Variants in NTF3 observed in about 807,000 individuals in gnomAD.
NTF3 encodes neurotrophin 3.
A neutral mutation model predicts 26.3 loss-of-function variants in NTF3; 8 were observed. The observed-to-expected ratio is 0.30, with a 90% CI of 0.18 to 0.55. NTF3 has a LOEUF of 0.55. Ranked by LOEUF, NTF3 falls within the 20% of genes least tolerant of loss-of-function variation. NTF3 has a pLI of 0.93. For synonymous variants in NTF3, 154 were observed against 145.5 expected (o/e 1.06, Z -0.42); for missense variants, 276 against 352.9 (o/e 0.78, Z 1.75).
chr12:5,430,452 C>T (rs1441080036), upstream of NTF3, among the ~76,000 whole-genome samples: 2 of 151,526 alleles, frequency 1.3e-5, no homozygotes, highest in Non-Finnish European at 2.9e-5. Flanking sequence ...CTACCCTACC[C>T]TTGCGAGGGA....
chr12:5,437,693 G>A (rs568625343), intron 1 of NTF3, among the ~76,000 whole-genome samples: 1 of 152,192 alleles, frequency 6.6e-6, no homozygotes, highest in Admixed American at 6.5e-5. Flanking sequence ...TGGCGTTGGG[G>A]ATGTTGAACT....
chr12:5,473,687 C>T (rs1940692024), intron 1 of NTF3, among the ~76,000 whole-genome samples: 3 of 152,190 alleles, frequency 2.0e-5, no homozygotes, highest in Admixed American at 6.5e-5. Flanking sequence ...AGTCCCTTAC[C>T]ATCCTAGTGC....
At chr12:5,432,400 G>T (rs1252723234) in intron 1 of NTF3, 58 bp downstream of exon 1, 1 of 1,592,128 alleles carries the variant, frequency 6.3e-7, no homozygotes. Flanking sequence ...GGTCCACGTG[G>T]GGAGGGATTT....
intron 1 of NTF3, among the ~76,000 whole-genome samples, chr12:5,436,644 T>G (rs543419540): frequency 6.6e-6 from 1 of 152,230 alleles, no homozygotes; most frequent in African/African-American, 2.4e-5. Context: ...CTAGCACGTA[T>G]GTAGGTCATT....
intron 1 of NTF3, among the ~76,000 whole-genome samples, chr12:5,488,216 G>A (rs1290611309): frequency 6.6e-6 from 1 of 152,052 alleles, no homozygotes; most frequent in Admixed American, 6.6e-5. Flanking sequence ...TGGATCCATT[G>A]TAACCCCAGT....
chr12:5,474,368 A>G (rs1940698607), intron 1 of NTF3, among the ~76,000 whole-genome samples: 1 of 152,248 alleles, frequency 6.6e-6, no homozygotes, highest in Non-Finnish European at 1.5e-5. Flanking sequence ...AGGCTCAGAC[A>G]GTCAAATAGT....
intron 1 of NTF3, among the ~76,000 whole-genome samples, chr12:5,482,907 T>C (rs1940825046): frequency 6.6e-6 from 1 of 151,750 alleles, no homozygotes; most frequent in Non-Finnish European, 1.5e-5. Flanking sequence ...TCTGTCTTTC[T>C]GCATCTCTGT....
chr12:5,463,727 C>T (rs1270156353), intron 1 of NTF3, among the ~76,000 whole-genome samples: 1 of 151,996 alleles, frequency 6.6e-6, no homozygotes, highest in Non-Finnish European at 1.5e-5. Context: ...CTAAAATGAC[C>T]CCAGTATGGT....
chr12:5,432,512 C>T (rs1250808210), intron 1 of NTF3, 170 bp downstream of exon 1: 1 of 269,870 alleles, frequency 3.7e-6, no homozygotes, highest in Non-Finnish European at 5.6e-6. Flanking sequence ...CCAAAGTTTG[C>T]GCTGGGATCT....
intron 1 of NTF3, among the ~76,000 whole-genome samples, chr12:5,463,164 A>G (rs1940544378): frequency 6.6e-6 from 1 of 152,222 alleles, no homozygotes; most frequent in African/African-American, 2.4e-5. Flanking sequence ...GGTTATTTTC[A>G]GAGCAGCAAC....
At chr12:5,469,381 C>G (rs1000135888) in intron 1 of NTF3, among the ~76,000 whole-genome samples, 1 of 151,960 alleles carries the variant, frequency 6.6e-6, no homozygotes, top group Non-Finnish European at 1.5e-5. Flanking sequence ...ACACCTGCTG[C>G]GAAGGGAGAG....
chr12:5,462,654 A>T (rs2121193521), intron 1 of NTF3, among the ~76,000 whole-genome samples: 1 of 152,306 alleles, frequency 6.6e-6, no homozygotes, highest in East Asian at 1.9e-4. Flanking sequence ...ATCCTCAGTG[A>T]AGGCAGATGG....
At chr12:5,455,586 A>ACACACACACACAC (rs1940435498) in intron 1 of NTF3, among the ~76,000 whole-genome samples, 1 of 45,846 alleles carries the variant, frequency 2.2e-5, no homozygotes, top group Non-Finnish European at 4.0e-5. Flanking sequence ...ACACACACAT[A>ACACACACACACAC]GCCCCTGTGA....
intron 1 of NTF3, among the ~76,000 whole-genome samples, chr12:5,465,315 A>G (rs1940576191): frequency 6.6e-6 from 1 of 152,216 alleles, no homozygotes; most frequent in Admixed American, 6.5e-5. Flanking sequence ...CAGCTGACAC[A>G]CCTTTGATCT....
chr12:5,472,051 G>A (rs566237211), intron 1 of NTF3, among the ~76,000 whole-genome samples: 1 of 152,264 alleles, frequency 6.6e-6, no homozygotes, highest in East Asian at 1.9e-4. Context: ...GGCCAAGAAA[G>A]CATCACCTGG....
At chr12:5,469,733 A>G (rs1940640943) in intron 1 of NTF3, among the ~76,000 whole-genome samples, 1 of 152,180 alleles carries the variant, frequency 6.6e-6, no homozygotes, top group Non-Finnish European at 1.5e-5. Context: ...AATTTTTGAA[A>G]TATGTATTTT....
chr12:5,492,908 C>T (rs1040817673), intron 1 of NTF3, among the ~76,000 whole-genome samples: 1 of 152,180 alleles, frequency 6.6e-6, no homozygotes, highest in African/African-American at 2.4e-5. Flanking sequence ...TCTATTTTCC[C>T]CCTGGACTTA....
chr12:5,434,476 T>A (rs997640494), intron 1 of NTF3, among the ~76,000 whole-genome samples: 1 of 148,410 alleles, frequency 6.7e-6, no homozygotes, highest in Non-Finnish European at 1.5e-5. Context: ...TTCCAAAGTG[T>A]GTGTGTGTGT....
At chr12:5,486,787 A>T (rs1429689433) in intron 1 of NTF3, among the ~76,000 whole-genome samples, 2 of 152,182 alleles carry the variant, frequency 1.3e-5, no homozygotes, top group African/African-American at 4.8e-5. Context: ...ACGTTAAATG[A>T]TTCAATAATT....
Sources: allele counts gnomAD v4.1 joint callset (sites outside exome capture counted in the v4.1 genomes callset), GRCh38; gene constraint gnomAD v4.1.1; transcripts MANE v1.5; gene names NCBI Gene and HGNC (gene_info 2026-07-23, HGNC 2026-07-21).